The following COMMD1 variants were observed in gnomAD, a reference collection of about 807,000 sequenced individuals.
The protein encoded by COMMD1 is copper metabolism domain containing 1.
Under a neutral mutation model 17.2 loss-of-function variants are expected in COMMD1, and 10 were observed. The ratio of observed to expected loss-of-function variants is 0.58; its 90% confidence interval spans 0.36 to 0.99. COMMD1 has a LOEUF of 0.99. Among genes scored for constraint, COMMD1 ranks in the 50% least tolerant of loss-of-function variants. The pLI is 0.01. For synonymous variants in COMMD1, 97 were observed against 91.6 expected, an observed-to-expected ratio of 1.06 and a Z score of -0.34; for missense variants, 270 against 231.8, an observed-to-expected ratio of 1.17 and a Z score of -1.07.
intron 2 of COMMD1, among the ~76,000 whole-genome samples, chr2:62,041,034 T>C (rs965007524): frequency 3.9e-5 from 6 of 152,144 alleles, no homozygotes; most frequent in East Asian, 3.9e-4. Context: ...TGGTCACTGT[T>C]TTCCTCTTCA....
intron 2 of COMMD1, among the ~76,000 whole-genome samples, chr2:62,002,731 C>A (rs935825047): frequency 2.0e-5 from 3 of 151,786 alleles, no homozygotes; most frequent in East Asian, 1.9e-4. Flanking sequence ...TGGCGGGCAC[C>A]TGTAATCCCA....
intron 1 of COMMD1, among the ~76,000 whole-genome samples, chr2:61,973,924 A>G (rs137909600): frequency 9.9e-4 from 151 of 152,266 alleles, no homozygotes; most frequent in African/African-American, 3.4e-3. Context: ...GCCTCTTCCT[A>G]GTCAACCCCA....
At chr2:62,041,191 T>C (rs528299582) in intron 2 of COMMD1, among the ~76,000 whole-genome samples, 16 of 152,366 alleles carry the variant, frequency 1.1e-4, no homozygotes, top group African/African-American at 3.6e-4. Context: ...ACATATAATA[T>C]GTTTCAGACT....
At chr2:62,077,250 G>C (rs768273180) in intron 2 of COMMD1, among the ~76,000 whole-genome samples, 2 of 152,170 alleles carry the variant, frequency 1.3e-5, no homozygotes, top group African/African-American at 2.4e-5. Flanking sequence ...GGAAGAAATA[G>C]TATTTATTGT....
chr2:61,902,848 A>T (rs540076110), upstream of COMMD1, among the ~76,000 whole-genome samples: 328 of 152,262 alleles, frequency 2.2e-3, no homozygotes, highest in Middle Eastern at 6.8e-3. Context: ...CTGTCTCAAA[A>T]ATTAAATTAA....
chr2:62,097,802 T>C (rs1351523202), intron 2 of COMMD1, among the ~76,000 whole-genome samples: 1 of 152,198 alleles, frequency 6.6e-6, no homozygotes, highest in Non-Finnish European at 1.5e-5. Flanking sequence ...AGTATAGCGC[T>C]GGTGTCGACA....
intron 2 of COMMD1, among the ~76,000 whole-genome samples, chr2:62,095,929 A>G (rs532644641): frequency 1.8e-4 from 27 of 148,566 alleles, no homozygotes; most frequent in African/African-American, 6.5e-4. Flanking sequence ...ATATATATAT[A>G]TGTATACATA....
chr2:62,025,525 G>A (rs1418651025), intron 2 of COMMD1, among the ~76,000 whole-genome samples: 1 of 152,064 alleles, frequency 6.6e-6, no homozygotes, highest in South Asian at 2.1e-4. Context: ...GCAAGGCCCT[G>A]TCTCTTTAAA....
chr2:61,994,111 C>T (rs955371272), intron 1 of COMMD1, among the ~76,000 whole-genome samples: 7 of 152,044 alleles, frequency 4.6e-5, no homozygotes, highest in Non-Finnish European at 7.4e-5. Flanking sequence ...ATCGGCCTCT[C>T]GAGTAGGTGG....
intron 2 of COMMD1, among the ~76,000 whole-genome samples, chr2:62,102,130 TAAAC>T (rs1387722495): frequency 6.6e-6 from 1 of 152,176 alleles, no homozygotes; most frequent in Non-Finnish European, 1.5e-5. Context: ...TGAGAAACCA[TAAAC>T]AAAGACCATA....
chr2:62,081,642 T>C (rs759954255), intron 2 of COMMD1, among the ~76,000 whole-genome samples: 11 of 152,192 alleles, frequency 7.2e-5, no homozygotes, highest in Non-Finnish European at 1.6e-4. Flanking sequence ...TCATGTCTAC[T>C]AGCTATCTAG....
At chr2:61,900,385 A>G (rs1241808703) in intron 1 of COMMD1, among the ~76,000 whole-genome samples, 3 of 152,224 alleles carry the variant, frequency 2.0e-5, no homozygotes, top group African/African-American at 7.2e-5. Context: ...GAAGAAAGAA[A>G]TGTTGAAGAT....
intron 1 of COMMD1, among the ~76,000 whole-genome samples, chr2:61,893,386 TAAAA>T (rs1401090254): frequency 6.6e-6 from 1 of 151,762 alleles, no homozygotes; most frequent in Non-Finnish European, 1.5e-5. Context: ...GAAAAACAAA[TAAAA>T]ATGAAAATGG....
At chr2:62,099,903 A>G (rs1290377955) in intron 2 of COMMD1, among the ~76,000 whole-genome samples, 1 of 152,004 alleles carries the variant, frequency 6.6e-6, no homozygotes, top group East Asian at 1.9e-4. Context: ...AGCTGGGAGG[A>G]GCAAAATGCC....
chr2:61,918,876 T>C (rs1670113747), intron 1 of COMMD1, among the ~76,000 whole-genome samples: 1 of 152,240 alleles, frequency 6.6e-6, no homozygotes, highest in Admixed American at 6.5e-5. Flanking sequence ...TAATGTAGAA[T>C]GCAGTTTTTA....
intron 1 of COMMD1, among the ~76,000 whole-genome samples, chr2:61,917,199 C>CA (rs570441680): frequency 1.3e-5 from 2 of 151,496 alleles, no homozygotes; most frequent in East Asian, 1.9e-4. Context: ...GCTAAGACTA[C>CA]AAAAAAAATT....
chr2:61,935,826 T>C (rs143360162), intron 1 of COMMD1, among the ~76,000 whole-genome samples: 2 of 152,092 alleles, frequency 1.3e-5, no homozygotes, highest in Admixed American at 1.3e-4. Flanking sequence ...TTATCGATTT[T>C]TTTTTTTTGA....
rs192919843 is a variant in COMMD1, at chr2:62,042,128, C to T, written c.462+41146C>T. On this transcript the variant is annotated intron_variant, in intron 2 of 2. Coordinates refer to ENST00000311832, the MANE Select transcript of COMMD1 (RefSeq NM_152516.4). ...GAGCTGATTGGTCTGTTTGACAGAG[C>T]GCTGATTGGTGCATTTGCAAACCTT... 5.3e-5 allele frequency among the ~76,000 whole-genome samples: 8 copies of T among 152,262 alleles called. No homozygotes were observed. In the East Asian group the frequency reaches 7.7e-4, roughly 15 times the overall value.
intron 2 of COMMD1, among the ~76,000 whole-genome samples, chr2:62,107,449 G>A (rs938897706): frequency 2.6e-5 from 4 of 152,274 alleles, no homozygotes; most frequent in Admixed American, 1.3e-4. Context: ...AATATGGATG[G>A]CAGTGCATTC....
Sources: gnomAD v4.1 joint callset for allele counts (sites outside exome capture counted in the v4.1 genomes callset) on GRCh38, gnomAD v4.1.1 for gene constraint, MANE v1.5 for transcripts, NCBI Gene and HGNC (gene_info 2026-07-23, HGNC 2026-07-21) for gene names.